SHROOM3: variants seen among roughly 807,000 people sequenced by gnomAD.
SHROOM3 encodes the protein shroom family member 3.
Under a neutral mutation model 138.6 loss-of-function variants are expected in SHROOM3, and 47 were observed. The observed-to-expected ratio is 0.34, with a 90% CI of 0.27 to 0.43. The LOEUF (loss-of-function observed/expected upper bound fraction) is 0.43. Among genes scored for constraint, SHROOM3 ranks in the 20% least tolerant of loss-of-function variants. The pLI, the probability that SHROOM3 is intolerant of heterozygous loss-of-function variation, is 1.00. For synonymous variants in SHROOM3, 1,062 were observed against 1,063.3 expected, an observed-to-expected ratio of 1.00 and a Z score of 0.02; for missense variants, 2,491 against 2,596.5, an observed-to-expected ratio of 0.96 and a Z score of 0.88.
chr4:76,709,913 A>G (rs1333045746), intron 2 of SHROOM3: 2 of 462,936 alleles, frequency 4.3e-6, no homozygotes, highest in Non-Finnish European at 7.8e-6. Flanking sequence ...AGATTGGGAA[A>G]TAATGCTTTA....
In SHROOM3 at chr4:76,740,074, A is replaced by G. The variant is rs752332641; in HGVS notation, c.1901A>G (p.His634Arg). ...TGGGAGGGCGATTTCCAGGAAGACC[A>G]CAATGCCAACCTCTGGAGGAGGCTG... Reference protein sequence around the residue: ...EPWEGDFQEDHNANLWRRLER... With the variant: ...EPWEGDFQEDRNANLWRRLER... The change falls in exon 5 of 11, where the codon CAC (histidine) becomes CGC (arginine). Residue 634 changes from histidine (H) to arginine (R), a missense_variant. His to Arg is a conservative substitution (Grantham distance 29). Transcript: ENST00000296043. The surrounding 1 kb of genome is among the most constrained non-coding windows in gnomAD (Gnocchi z 4.0). 3 of 1,613,792 alleles carry G rather than the reference A, an allele frequency of 1.9e-6. No individual in the cohort carries two copies. Among genetic ancestry groups the G allele is most frequent in the East Asian group, 4.5e-5 (2 of 44,878 alleles).
intron 10 of SHROOM3, among the ~76,000 whole-genome samples, chr4:76,772,614 G>C (rs1335526903): frequency 4.6e-5 from 7 of 152,194 alleles, no homozygotes. Flanking sequence ...TGCTGAGTCA[G>C]CTTCCTTATC....
At chr4:76,702,892 C>T (rs1259811738) in intron 2 of SHROOM3, among the ~76,000 whole-genome samples, 2 of 152,130 alleles carry the variant, frequency 1.3e-5, no homozygotes, top group African/African-American at 2.4e-5. Flanking sequence ...GGCTTTTTCT[C>T]CTATCCACCC....
chr4:76,616,120 G>C (rs151022668), intron 2 of SHROOM3, among the ~76,000 whole-genome samples: 37 of 152,200 alleles, frequency 2.4e-4, no homozygotes, highest in African/African-American at 8.4e-4. Flanking sequence ...AAAAAGGCCT[G>C]GGGTTGGACA....
intron 6 of SHROOM3, among the ~76,000 whole-genome samples, chr4:76,753,541 ACT>A (rs1390376593): frequency 6.6e-6 from 1 of 151,620 alleles, no homozygotes; most frequent in East Asian, 1.9e-4. Context: ...CCTCACATTA[ACT>A]CTTGCATAGC....
intron 2 of SHROOM3, among the ~76,000 whole-genome samples, chr4:76,645,143 A>C (rs546032582): frequency 6.6e-6 from 1 of 152,200 alleles, no homozygotes; most frequent in Non-Finnish European, 1.5e-5. Context: ...ACCTAAACTA[A>C]TTAATATGAA....
At chr4:76,476,991 A>C (rs888556300) in intron 1 of SHROOM3, among the ~76,000 whole-genome samples, 33 of 152,304 alleles carry the variant, frequency 2.2e-4, no homozygotes, top group African/African-American at 7.7e-4. Context: ...TTTTTGAGAC[A>C]GAGTCTCACT....
At chr4:76,775,742 T>C (rs1019818179) in intron 10 of SHROOM3, among the ~76,000 whole-genome samples, 1 of 145,700 alleles carries the variant, frequency 6.9e-6, no homozygotes, top group Non-Finnish European at 1.5e-5. Context: ...ATACACATAC[T>C]ATATATATAC....
Position 76,716,229 on chromosome 4 carries a change from G to A in SHROOM3, c.455+5942G>A, listed in dbSNP as rs1447778621. 5.9e-5 allele frequency: 29 copies of A among 489,200 alleles called. No homozygotes were observed. In the East Asian group the frequency reaches 1.5e-3, roughly 26 times the overall value. 30.3% of individuals were successfully genotyped at this position (489,200 alleles called of 1,614,324 possible). ...AGTCCCTCCCACTTGCGCTGAGCTG[G>A]GCAAGTTCAAGGCGATTCAGGCCGT... is the stretch of plus-strand genomic sequence containing the variant. On this transcript the variant is annotated intron_variant, in intron 3 of 10. Coordinates refer to ENST00000296043, the MANE Select transcript of SHROOM3 (RefSeq NM_020859.4).
chr4:76,541,623 GCGCA>G (rs1282166331), intron 1 of SHROOM3, among the ~76,000 whole-genome samples: 3 of 140,042 alleles, frequency 2.1e-5, no homozygotes. Flanking sequence ...ACATATGTGG[GCGCA>G]CACACACACA....
Position 76,741,134 on chromosome 4 carries a change from C to T in SHROOM3, c.2961C>T (p.Ser987=), listed in dbSNP as rs1431386378. Residue 987 remains serine (S), a synonymous_variant, in exon 5 of 11, where the codon AGC becomes AGT. Transcript: ENST00000296043. This position sits in a 1 kb window ranked among gnomAD's most constrained non-coding sequence, Gnocchi z 6.2. ...CGCACACGCCCCGGGAGCGGCACAG[C>T]GTGACCCCTGCTGAGGGCGACCTGG... ...ASPHTPRERH[S]VTPAEGDLAR... 2.1e-5 allele frequency: 33 copies of T among 1,558,038 alleles called. No individual in the cohort carries two copies. Among genetic ancestry groups the T allele is most frequent in the Non-Finnish European group, 2.7e-5 (31 of 1,152,266 alleles).
At chr4:76,593,595 T>C (rs1374351700) in intron 2 of SHROOM3, among the ~76,000 whole-genome samples, 1 of 152,252 alleles carries the variant, frequency 6.6e-6, no homozygotes, top group Admixed American at 6.5e-5. Context: ...GTAATCTTTA[T>C]GGCATTCCTC....
rs192760386 is a variant in SHROOM3, at chr4:76,730,868, G to A, written c.520G>A (p.Asp174Asn). The A allele has an allele frequency of 1.2e-5, 19 of 1,614,104 alleles. No homozygotes were observed. Among genetic ancestry groups the A allele is most frequent in the African/African-American group, 1.1e-4 (8 of 75,034 alleles). ...AACTAAATCTGGGGAGAAGCAACCC[G>A]ATGCCAGCATGATGCAGATATCTCA... ...HTTKSGEKQP[D>N]ASMMQISQGM... Residue 174 changes from aspartate to asparagine, a missense_variant, in exon 4 of 11, where the codon GAT (aspartate) becomes AAT (asparagine). Asp to Asn is a conservative substitution (Grantham distance 23). Transcript: ENST00000296043.
chr4:76,645,826 C>G (rs1256958976), intron 2 of SHROOM3, among the ~76,000 whole-genome samples: 1 of 152,048 alleles, frequency 6.6e-6, no homozygotes, highest in Non-Finnish European at 1.5e-5. Context: ...GGAAAAATCC[C>G]AAATCCAAAA....
chr4:76,549,850 A>G (rs1255842985), intron 1 of SHROOM3, among the ~76,000 whole-genome samples: 1 of 152,006 alleles, frequency 6.6e-6, no homozygotes, highest in Non-Finnish European at 1.5e-5. Context: ...AATCCAGTTA[A>G]CTGAAATGAG....
chr4:76,762,085 G>C (rs1306791212), intron 9 of SHROOM3, among the ~76,000 whole-genome samples: 1 of 152,074 alleles, frequency 6.6e-6, no homozygotes, highest in Non-Finnish European at 1.5e-5. Flanking sequence ...TTGGATGGGA[G>C]ATCATGGTAT....
intron 2 of SHROOM3, among the ~76,000 whole-genome samples, chr4:76,627,694 C>T (rs1735187199): frequency 1.4e-5 from 2 of 147,434 alleles, no homozygotes; most frequent in African/African-American, 5.0e-5. Context: ...TGGGGTCTTG[C>T]TATGTTGCCC....
At chr4:76,484,322 C>T (rs777785249) in intron 1 of SHROOM3, among the ~76,000 whole-genome samples, 7 of 151,796 alleles carry the variant, frequency 4.6e-5, no homozygotes, top group Non-Finnish European at 7.4e-5. Context: ...CTGTCATCCC[C>T]GCACTTTGAG....
chr4:76,498,558 G>A (rs147519724), intron 1 of SHROOM3, among the ~76,000 whole-genome samples: 1 of 151,984 alleles, frequency 6.6e-6, no homozygotes, highest in Non-Finnish European at 1.5e-5. Context: ...TTTCATTAAC[G>A]CTACCTTAAT....
Sources: gnomAD v4.1 joint callset for allele counts (sites outside exome capture counted in the v4.1 genomes callset) on GRCh38, gnomAD v4.1.1 for gene constraint, Gnocchi (gnomAD v3.1) non-coding constraint, MANE v1.5 for transcripts, NCBI Gene and HGNC (gene_info 2026-07-23, HGNC 2026-07-21) for gene names.